The following MALRD1 variants were observed in gnomAD, a reference collection of about 807,000 sequenced individuals.
The protein encoded by MALRD1 is MAM and LDL receptor class A domain containing 1, also known as MAM and LDL-receptor class A domain-containing protein 1.
MALRD1 carries 247 observed loss-of-function variants against 242.1 expected under a neutral mutation model. The observed-to-expected ratio is 1.02, with a 90% confidence interval of 0.92 to 1.13. The LOEUF is 1.13. MALRD1 is among the 50% of genes most tolerant of loss of function. The pLI is 0.00. For synonymous variants in MALRD1, 995 were observed against 866.6 expected, an observed-to-expected ratio of 1.15 and a Z score of -2.60; for missense variants, 2,989 against 2,533.1, an observed-to-expected ratio of 1.18 and a Z score of -3.86.
intron 30 of MALRD1, among the ~76,000 whole-genome samples, chr10:19,493,767 T>C (rs1171485067): frequency 6.6e-6 from 1 of 151,808 alleles, no homozygotes; most frequent in Non-Finnish European, 1.5e-5. Flanking sequence ...GAGCTGAGAT[T>C]GTACCACTGC....
chr10:19,596,688 GCCACTGTA>G (rs1177411772), intron 34 of MALRD1, among the ~76,000 whole-genome samples: 1 of 151,822 alleles, frequency 6.6e-6, no homozygotes, highest in Non-Finnish European at 1.5e-5. Flanking sequence ...CTATGATTGT[GCCACTGTA>G]CCACTGCACC....
rs545471832 is a variant in MALRD1 at position 19,599,479 on chromosome 10, T to C, written c.5944+4022T>C. 2.6e-5 allele frequency among the ~76,000 whole-genome samples: 4 copies of C among 152,114 alleles called. No individual in the cohort carries two copies. The South Asian group carries it at 6.2e-4, about 24-fold the overall frequency. On this transcript the variant is annotated intron_variant, in intron 34 of 39. Transcript: ENST00000454679. ...GAAAAAGAAAAAGAAAAAAGAAGCATAGTTAATTATATGGAAGAACAGCAC... is the reference window on the plus strand; with the variant it reads ...GAAAAAGAAAAAGAAAAAAGAAGCACAGTTAATTATATGGAAGAACAGCAC...
chr10:19,456,436 A>T (rs975530319), intron 29 of MALRD1, among the ~76,000 whole-genome samples: 1 of 152,200 alleles, frequency 6.6e-6, no homozygotes, highest in Non-Finnish European at 1.5e-5. Flanking sequence ...TAGTGGCATG[A>T]TGATAATGAT....
At chr10:19,723,373 G>A (rs531111703) in intron 38 of MALRD1, among the ~76,000 whole-genome samples, 2 of 152,004 alleles carry the variant, frequency 1.3e-5, no homozygotes, top group Non-Finnish European at 2.9e-5. Context: ...ACCAAAATAC[G>A]ACAGAAATAA....
At chr10:19,640,011 A>G (rs927422126) in intron 36 of MALRD1, among the ~76,000 whole-genome samples, 1 of 152,176 alleles carries the variant, frequency 6.6e-6, no homozygotes, top group Non-Finnish European at 1.5e-5. Flanking sequence ...CCCCCAATGC[A>G]TAGGGAGTAA....
intron 28 of MALRD1, 73 bp downstream of exon 28, chr10:19,389,682 C>G: frequency 2.1e-6 from 3 of 1,429,960 alleles, no homozygotes; most frequent in Non-Finnish European, 2.8e-6. Flanking sequence ...CTCTGTCACT[C>G]AGGCTGCAGT....
At chr10:19,166,454 T>G (rs11008746) in intron 13 of MALRD1, among the ~76,000 whole-genome samples, 17,248 of 151,568 alleles carry the variant, frequency 0.11, 1,039 homozygotes, top group East Asian at 0.18. Flanking sequence ...AGGAAGGGAG[T>G]TTTGTTAATG....
intron 18 of MALRD1, among the ~76,000 whole-genome samples, chr10:19,256,637 G>A (rs184201069): frequency 7.7e-4 from 117 of 152,118 alleles, no homozygotes; most frequent in Non-Finnish European, 1.5e-3. Flanking sequence ...GACAAATCAG[G>A]GAGAAAATCC....
intron 18 of MALRD1, among the ~76,000 whole-genome samples, chr10:19,240,388 C>G (rs1472240994): frequency 1.3e-5 from 2 of 151,864 alleles, no homozygotes; most frequent in East Asian, 3.9e-4. Flanking sequence ...TTGGTCAAGT[C>G]TTTAGGGTTC....
chr10:19,362,358 G>A (rs1217560352), intron 26 of MALRD1, among the ~76,000 whole-genome samples: 2 of 152,048 alleles, frequency 1.3e-5, no homozygotes, highest in Non-Finnish European at 2.9e-5. Flanking sequence ...TGTATTACTA[G>A]TAATGTTCCT....
rs528202325 is a variant in MALRD1, at chr10:19,065,137, A to G, written c.200-1582A>G. ...ACCCCGTCTCTACTAAAAATACAAAATTAGCCAGGCATGTTGGTGCATGCC... is the reference window on the plus strand; with the variant it reads ...ACCCCGTCTCTACTAAAAATACAAAGTTAGCCAGGCATGTTGGTGCATGCC... On this transcript the variant is annotated intron_variant, in intron 1 of 39. Transcript: ENST00000454679. 2.0e-5 allele frequency among the ~76,000 whole-genome samples: 3 copies of G among 151,514 alleles called. No homozygotes were observed. In the South Asian group the frequency reaches 6.3e-4, roughly 32 times the overall value.
At position 19,409,430 on chromosome 10, in the gene MALRD1, C is replaced by T. The variant is rs147315543; in HGVS notation, c.4845+19821C>T. On this transcript the variant is annotated intron_variant, in intron 28 of 39. Transcript: ENST00000454679. ...TGATCATGCCAATGCACTCTAGCCTCGGCAACAGAGTGAGACCCCATCTTT... is the reference window on the plus strand; with the variant it reads ...TGATCATGCCAATGCACTCTAGCCTTGGCAACAGAGTGAGACCCCATCTTT... Among the ~76,000 whole-genome samples, 732 of 151,798 alleles carry T rather than the reference C, an allele frequency of 4.8e-3. 9 individuals carry two copies. Among genetic ancestry groups the T allele is most frequent in the African/African-American group, 0.017 (687 of 41,338 alleles).
chr10:19,618,378 T>C (rs1418848523), intron 36 of MALRD1, among the ~76,000 whole-genome samples: 2 of 152,064 alleles, frequency 1.3e-5, no homozygotes, highest in African/African-American at 4.8e-5. Flanking sequence ...CCAATGGTAG[T>C]TCTGTTTTTA....
At chr10:19,240,580 C>T (rs970645538) in intron 18 of MALRD1, among the ~76,000 whole-genome samples, 1 of 152,054 alleles carries the variant, frequency 6.6e-6, no homozygotes, top group African/African-American at 2.4e-5. Flanking sequence ...TCTAATTGCT[C>T]TGGCTCTGAC....
At chr10:19,646,023 T>C (rs1205818292) in intron 36 of MALRD1, among the ~76,000 whole-genome samples, 1 of 152,206 alleles carries the variant, frequency 6.6e-6, no homozygotes, top group African/African-American at 2.4e-5. Flanking sequence ...GTAAGTTTTG[T>C]AGCTTGTAGA....
chr10:19,555,202 C>T (rs907755181), intron 32 of MALRD1, among the ~76,000 whole-genome samples: 1 of 152,108 alleles, frequency 6.6e-6, no homozygotes, highest in African/African-American at 2.4e-5. Context: ...TCACTTATTA[C>T]TCAGAAGAGG....
intron 33 of MALRD1, among the ~76,000 whole-genome samples, chr10:19,593,235 C>T (rs74122014): frequency 0.013 from 2,044 of 152,234 alleles, 34 homozygotes; most frequent in African/African-American, 0.047. Context: ...AACATGATAG[C>T]GATGTCTCCA....
intron 24 of MALRD1, among the ~76,000 whole-genome samples, chr10:19,346,125 G>A (rs1288311652): frequency 2.0e-5 from 3 of 152,188 alleles, no homozygotes; most frequent in Middle Eastern, 3.4e-3. Context: ...ACTACAAAGA[G>A]TAATTGGTTT....
Position 19,205,057 on chromosome 10 carries a change from G to C in MALRD1, c.2370G>C (p.Leu790Phe). The C allele has an allele frequency of 6.4e-7, 1 of 1,550,734 alleles. No homozygotes were observed. The highest frequency in any genetic ancestry group is 8.7e-7 in the Non-Finnish European group (1 of 1,147,020). Reference sequence around the variant, plus strand: ...GGCGCCTTTCGCAGCCCTTCCATTTGTCACTAGATAAAGTCAGTCTGGGCA... The same window carrying C: ...GGCGCCTTTCGCAGCCCTTCCATTTCTCACTAGATAAAGTCAGTCTGGGCA... ...QLGRLSQPFH[L>F]SLDKVSLGIY... The change falls in exon 17 of 40, where the codon TTG becomes TTC. Residue 790 changes from leucine (L) to phenylalanine (F), a missense_variant. By Grantham distance (22) the Leu-to-Phe change is conservative. Coordinates refer to ENST00000454679, the MANE Select transcript of MALRD1 (RefSeq NM_001142308.3).
Sources: gnomAD v4.1 joint callset for allele counts (sites outside exome capture counted in the v4.1 genomes callset) on GRCh38, gnomAD v4.1.1 for gene constraint, MANE v1.5 for transcripts, NCBI Gene and HGNC (gene_info 2026-07-23, HGNC 2026-07-21) for gene names.